Variants in PRKAR1B observed in about 807,000 individuals in gnomAD.
PRKAR1B encodes the protein cAMP-dependent protein kinase type I-beta regulatory subunit.
Under a neutral mutation model 46.5 loss-of-function variants are expected in PRKAR1B, and 22 were observed. The ratio of observed to expected loss-of-function variants is 0.47; its 90% confidence interval spans 0.34 to 0.68. The LOEUF (loss-of-function observed/expected upper bound fraction) is 0.68. Ranked by LOEUF, PRKAR1B falls within the 30% of genes least tolerant of loss-of-function variation. The pLI, the probability that PRKAR1B is intolerant of heterozygous loss-of-function variation, is 0.01. For missense variants in PRKAR1B, 445 were observed against 535.6 expected (o/e 0.83, Z 1.67); for synonymous variants, 259 against 217.7 (o/e 1.19, Z -1.67).
At chr7:668,627 G>A (rs1483040956) in intron 4 of PRKAR1B, among the ~76,000 whole-genome samples, 6 of 152,172 alleles carry the variant, frequency 3.9e-5, no homozygotes, top group South Asian at 2.1e-4. Flanking sequence ...CGTAGCTCTC[G>A]GATCCAGAGG....
At position 621,196 on chromosome 7, in the gene PRKAR1B, T is replaced by A. The variant is rs763661395; in HGVS notation, c.441-13744A>T. Among the ~76,000 whole-genome samples the A allele has an allele frequency of 3.9e-4, 59 of 152,272 alleles. No homozygotes were observed. In the Middle Eastern group the frequency reaches 0.01, roughly 26 times the overall value. ...CTATTTTCTGTAGCAATTTGAGAAGTAAGAATAGACAGTTTGCTGATGTTT... is the reference window on the plus strand; with the variant it reads ...CTATTTTCTGTAGCAATTTGAGAAGAAAGAATAGACAGTTTGCTGATGTTT... On this transcript the variant is annotated intron_variant, in intron 4 of 10. Coordinates refer to ENST00000537384, the MANE Select transcript of PRKAR1B (RefSeq NM_001164760.2).
chr7:715,677 C>T (rs1403751920), intron 1 of PRKAR1B, among the ~76,000 whole-genome samples: 1 of 152,024 alleles, frequency 6.6e-6, no homozygotes, highest in Admixed American at 6.6e-5. Context: ...AATGTACTTA[C>T]AGTGACCACG....
intron 4 of PRKAR1B, among the ~76,000 whole-genome samples, chr7:630,501 G>C (rs1397064048): frequency 6.6e-6 from 1 of 152,154 alleles, no homozygotes; most frequent in Admixed American, 6.6e-5. Flanking sequence ...TGCCCTGGGG[G>C]TCCCACGGCT....
chr7:680,157 CAAA>C (rs372918350), intron 3 of PRKAR1B, among the ~76,000 whole-genome samples: 4 of 73,662 alleles, frequency 5.4e-5, no homozygotes, highest in East Asian at 4.4e-4. Context: ...GACTCTGTTT[CAAA>C]AAAAAAAAAA....
At chr7:632,229 A>G (rs760680948) in intron 4 of PRKAR1B, among the ~76,000 whole-genome samples, 2 of 152,066 alleles carry the variant, frequency 1.3e-5, no homozygotes, top group Non-Finnish European at 2.9e-5. Context: ...TTCCTTTTAA[A>G]CACTGTGAAA....
chr7:682,318 G>C (rs111636672), intron 2 of PRKAR1B, among the ~76,000 whole-genome samples: 205 of 152,316 alleles, frequency 1.3e-3, no homozygotes, highest in Admixed American at 3.4e-3. Context: ...GCCAAGTGCG[G>C]TGGCTTCAGG....
intron 6 of PRKAR1B, among the ~76,000 whole-genome samples, chr7:604,451 A>C (rs1460719774): frequency 6.6e-6 from 1 of 152,150 alleles, no homozygotes; most frequent in Non-Finnish European, 1.5e-5. Context: ...CCCTGACACA[A>C]AGGTCTGCCC....
At chr7:552,296 C>T (rs1206444778) in intron 9 of PRKAR1B, among the ~76,000 whole-genome samples, 1 of 121,820 alleles carries the variant, frequency 8.2e-6, no homozygotes, top group Non-Finnish European at 1.7e-5. Flanking sequence ...CACGTCACCA[C>T]CCAAACCCCC....
In PRKAR1B at chr7:660,493, C is replaced by T. The variant is rs184573195; in HGVS notation, c.440+16736G>A. On this transcript the variant is annotated intron_variant, in intron 4 of 10. Coordinates refer to ENST00000537384, the MANE Select transcript of PRKAR1B (RefSeq NM_001164760.2). Reference sequence around the variant, plus strand: ...TGCCCCCAATGCCACAGGTCCCCACCCCAACAGATCCAAATACCTACTCTC... The same window carrying T: ...TGCCCCCAATGCCACAGGTCCCCACTCCAACAGATCCAAATACCTACTCTC... Among the ~76,000 whole-genome samples the T allele has an allele frequency of 2.6e-3, 337 of 129,042 alleles. 1 individual carries two copies. The highest frequency in any genetic ancestry group is 0.012 in the Middle Eastern group (3 of 252). 84.7% of individuals were successfully genotyped at this position (129,042 alleles called of 152,430 possible). A position where few individuals can be genotyped will look rare whatever the true frequency, so the allele number is the denominator to read the frequency against.
At chr7:582,710 C>G (rs545373097) in intron 8 of PRKAR1B, among the ~76,000 whole-genome samples, 1 of 152,318 alleles carries the variant, frequency 6.6e-6, no homozygotes, top group Non-Finnish European at 1.5e-5. Context: ...CAACCGTTGT[C>G]TCGACAGCGC....
intron 8 of PRKAR1B, among the ~76,000 whole-genome samples, chr7:582,563 G>A (rs1484651205): frequency 2.0e-5 from 3 of 152,260 alleles, no homozygotes; most frequent in Non-Finnish European, 4.4e-5. Context: ...ATAAATGGGC[G>A]GACGGAGGCC....
intron 4 of PRKAR1B, among the ~76,000 whole-genome samples, chr7:653,104 C>T (rs949056164): frequency 2.6e-5 from 4 of 152,194 alleles, no homozygotes; most frequent in African/African-American, 9.7e-5. Context: ...AGTGCTTCTC[C>T]AGCCTCTCCT....
chr7:607,703 G>T (rs1046328036), intron 4 of PRKAR1B, among the ~76,000 whole-genome samples: 11 of 152,158 alleles, frequency 7.2e-5, no homozygotes, highest in African/African-American at 2.7e-4. Context: ...TGCTGTTTTG[G>T]TTTTTACAAA....
chr7:605,918 A>G (rs1782013337), intron 6 of PRKAR1B, among the ~76,000 whole-genome samples: 1 of 152,178 alleles, frequency 6.6e-6, no homozygotes, highest in East Asian at 1.9e-4. Context: ...GGCCAGCCCC[A>G]GCAGTCGCAG....
chr7:563,067 G>C (rs1198239437), intron 9 of PRKAR1B, among the ~76,000 whole-genome samples: 2 of 152,176 alleles, frequency 1.3e-5, no homozygotes, highest in Admixed American at 6.5e-5. Flanking sequence ...CCACACACCA[G>C]CACCTCTCAT....
intron 6 of PRKAR1B, among the ~76,000 whole-genome samples, chr7:604,453 G>A (rs1254044359): frequency 1.3e-5 from 2 of 152,196 alleles, no homozygotes; most frequent in Non-Finnish European, 2.9e-5. Flanking sequence ...CTGACACAAA[G>A]GTCTGCCCCA....
rs563781734 is a variant in PRKAR1B, at chr7:579,125, G to A, written c.891+131C>T. ...AGACCACCCACCCCATGGAGGCCCCGGACGGGCGTGCGGTCACAGGGCAGC... is the reference window on the plus strand; with the variant it reads ...AGACCACCCACCCCATGGAGGCCCCAGACGGGCGTGCGGTCACAGGGCAGC... On this transcript the variant is annotated intron_variant, in intron 9 of 10. Coordinates refer to ENST00000537384, the MANE Select transcript of PRKAR1B (RefSeq NM_001164760.2). The A allele has an allele frequency of 9.9e-5, 154 of 1,561,744 alleles. No individual in the cohort carries two copies. The East Asian group carries it at 1.5e-3, about 15-fold the overall frequency.
In PRKAR1B at chr7:583,452, C is replaced by A. The variant is rs1169645104; in HGVS notation, c.769+1056G>T. Among the ~76,000 whole-genome samples, 86 of 146,296 alleles carry A rather than the reference C, an allele frequency of 5.9e-4. 1 individual carries two copies. The highest frequency in any genetic ancestry group is 2.1e-3 in the African/African-American group (83 of 39,652). Reference sequence around the variant, plus strand: ...CACACACCCACAGTGCACACTCACACCCACTCACACACGTGCACTCACACC... The same window carrying A: ...CACACACCCACAGTGCACACTCACAACCACTCACACACGTGCACTCACACC... On this transcript the variant is annotated intron_variant, in intron 8 of 10. Coordinates refer to ENST00000537384, the MANE Select transcript of PRKAR1B (RefSeq NM_001164760.2).
chr7:610,030 G>A (rs533094568), intron 4 of PRKAR1B, among the ~76,000 whole-genome samples: 20 of 152,248 alleles, frequency 1.3e-4, no homozygotes, highest in Middle Eastern at 3.4e-3. Flanking sequence ...GGCATGAGCC[G>A]CTGCACCCGC....
Sources: gnomAD v4.1 joint callset for allele counts (sites outside exome capture counted in the v4.1 genomes callset) on GRCh38, gnomAD v4.1.1 for gene constraint, MANE v1.5 for transcripts, NCBI Gene and HGNC (gene_info 2026-07-23, HGNC 2026-07-21) for gene names.